Variants in RNF24 observed in about 807,000 individuals in gnomAD.
RNF24 encodes ring finger protein 24.
A neutral mutation model predicts 20.0 loss-of-function variants in RNF24; 14 were observed. The ratio of observed to expected loss-of-function variants is 0.70; its 90% CI spans 0.46 to 1.10. The LOEUF (loss-of-function observed/expected upper bound fraction) is 1.10, where lower values mean the gene tolerates loss of function less well. Ranked by LOEUF, RNF24 falls within the 50% of genes least tolerant of loss-of-function variation. RNF24 has a pLI of 0.00. For synonymous variants in RNF24, 45 were observed against 61.1 expected (o/e 0.74, Z 1.23); for missense variants, 124 against 177.6 (o/e 0.70, Z 1.71).
At chr20:3,986,362 C>G (rs1979904575) in intron 1 of RNF24, among the ~76,000 whole-genome samples, 1 of 151,990 alleles carries the variant, frequency 6.6e-6, no homozygotes, top group Admixed American at 6.6e-5. Flanking sequence ...AGGGATCCTC[C>G]TGCCTCAGCT....
intron 1 of RNF24, chr20:3,974,360 A>G: frequency 6.4e-7 from 1 of 1,550,654 alleles, no homozygotes; most frequent in Non-Finnish European, 8.7e-7. Context: ...AAGGCAGGAT[A>G]TCTGCTCTCA....
chr20:4,006,428 T>C (rs1030953578), intron 1 of RNF24, among the ~76,000 whole-genome samples: 4 of 149,142 alleles, frequency 2.7e-5, no homozygotes, highest in Non-Finnish European at 5.9e-5. Context: ...GATGGAAAAA[T>C]TTTCCTAATT....
At position 3,934,122 on chromosome 20, in the gene RNF24, T is replaced by C. The variant is rs374408054; in HGVS notation, c.388A>G (p.Ser130Gly). ...TGAGGGGGTCCACGGTCCTGCTTAC[T>C]GTGCAACTGGGCCAGCTGTAGAACT... ...MPVLQLAQLH[S>G]KQDRGPPQGP... Residue 130 changes from serine to glycine, a missense_variant, in exon 6 of 6, where the codon AGT becomes GGT. Transcript: ENST00000358395. The surrounding 1 kb of genome is among the most constrained non-coding windows in gnomAD (Gnocchi z 4.0). 4.4e-6 allele frequency: 7 copies of C among 1,578,714 alleles called. No homozygotes were observed. The highest frequency in any genetic ancestry group is 6.0e-6 in the Non-Finnish European group (7 of 1,163,558).
Position 3,928,267 on chromosome 20 carries a change from G to A in RNF24, c.*5796C>T, listed in dbSNP as rs2146918073. The A allele has an allele frequency of 6.6e-6, 1 of 152,276 alleles. No homozygotes were observed. Among genetic ancestry groups the A allele is most frequent in the Middle Eastern group, 3.4e-3 (1 of 294 alleles). The allele number at this position is 152,276 out of a possible 1,614,324, so 9.4% of individuals were successfully genotyped here. A position where few individuals can be genotyped will look rare whatever the true frequency, so the allele number is the denominator to read the frequency against. ...AATTTTTTCTCAAGTTTTGGGTTAG[G>A]GCACCAGTTGCAATTTTAATCCAGG... On this transcript the variant is annotated 3_prime_UTR_variant, in exon 6 of 6. Transcript: ENST00000358395.
At chr20:3,948,671 G>A (rs2091048188) in intron 2 of RNF24, among the ~76,000 whole-genome samples, 1 of 152,078 alleles carries the variant, frequency 6.6e-6, no homozygotes, top group African/African-American at 2.4e-5. Context: ...ATCAAGACAT[G>A]GTACATTTCC....
intron 3 of RNF24, among the ~76,000 whole-genome samples, chr20:3,946,261 GT>G (rs1182671000): frequency 7.2e-5 from 11 of 152,040 alleles, no homozygotes; most frequent in Admixed American, 7.2e-4. Flanking sequence ...GATCCCAGGA[GT>G]TTAAGACCAG....
In RNF24 at chr20:3,946,669, C is replaced by G. The variant is rs543161478; in HGVS notation, c.187-1451G>C. ...GAGCTGTGATCATGCCACTGCACTC[C>G]AGTCTGGGTGACAGAGACCCCGTCA... On this transcript the variant is annotated intron_variant, in intron 3 of 5. Coordinates refer to ENST00000358395, the MANE Select transcript of RNF24 (RefSeq NM_001134337.3). 2.1e-3 allele frequency among the ~76,000 whole-genome samples: 285 copies of G among 137,886 alleles called. 1 individual carries two copies. The highest frequency in any genetic ancestry group is 8.0e-3 in the African/African-American group (278 of 34,950). 90.5% of individuals were successfully genotyped at this position (137,886 alleles called of 152,430 possible). A position where few individuals can be genotyped will look rare whatever the true frequency, so the allele number is the denominator to read the frequency against.
At chr20:3,937,507 T>C (rs2090905049) in intron 4 of RNF24, among the ~76,000 whole-genome samples, 1 of 152,196 alleles carries the variant, frequency 6.6e-6, no homozygotes, top group East Asian at 1.9e-4. Context: ...TTTAGGTATA[T>C]ATGTGCAGCC....
intron 1 of RNF24, among the ~76,000 whole-genome samples, chr20:4,013,081 T>A (rs1982592097): frequency 6.6e-6 from 1 of 152,170 alleles, no homozygotes; most frequent in Admixed American, 6.5e-5. Context: ...TTAAATTAAT[T>A]GATATTAAGA....
chr20:4,008,544 A>T (rs1163887260), intron 1 of RNF24, among the ~76,000 whole-genome samples: 13 of 93,558 alleles, frequency 1.4e-4, no homozygotes, highest in Admixed American at 4.5e-4. Context: ...TATATATATT[A>T]TATATATATA....
At chr20:3,940,499 A>T (rs1322103983) in intron 4 of RNF24, among the ~76,000 whole-genome samples, 1 of 152,126 alleles carries the variant, frequency 6.6e-6, no homozygotes, top group Non-Finnish European at 1.5e-5. Context: ...GGAGAGAGAA[A>T]GAGTGAAATG....
At position 3,960,393 on chromosome 20, in the gene RNF24, G is replaced by A. The variant is rs977169188; in HGVS notation, c.143+3482C>T. ...ATGATTAAATTTTAAAAATTGGCCA[G>A]GCGCGGTGGCTCATGCCTGTAATCC... On this transcript the variant is annotated intron_variant, in intron 2 of 5. Coordinates refer to ENST00000358395, the MANE Select transcript of RNF24 (RefSeq NM_001134337.3). 4.6e-5 allele frequency among the ~76,000 whole-genome samples: 7 copies of A among 152,214 alleles called. No homozygotes were observed. The East Asian group carries it at 1.3e-3, about 29-fold the overall frequency.
rs1200657309 is a variant in RNF24 at position 3,934,736 on chromosome 20, T to C, written c.308+258A>G. Among the ~76,000 whole-genome samples the C allele has an allele frequency of 6.6e-6, 1 of 152,204 alleles. No individual in the cohort carries two copies. The highest frequency in any genetic ancestry group is 1.5e-5 in the Non-Finnish European group (1 of 68,036). ...AAAGTTCCAGCTAAATAGCTGTTTATTGCTTGGGCTCCAAGTGTAGGCTCA... is the reference window on the plus strand; with the variant it reads ...AAAGTTCCAGCTAAATAGCTGTTTACTGCTTGGGCTCCAAGTGTAGGCTCA... On this transcript the variant is annotated intron_variant, in intron 5 of 5. Coordinates refer to ENST00000358395, the MANE Select transcript of RNF24 (RefSeq NM_001134337.3). This position sits in a 1 kb window ranked among gnomAD's most constrained non-coding sequence, Gnocchi z 4.0.
At chr20:3,964,477 T>C (rs908564793) in intron 1 of RNF24, among the ~76,000 whole-genome samples, 1 of 152,122 alleles carries the variant, frequency 6.6e-6, no homozygotes, top group South Asian at 2.1e-4. Flanking sequence ...ATTAATTATA[T>C]AGTCATATGT....
At chr20:4,008,663 C>T (rs1982182081) in intron 1 of RNF24, among the ~76,000 whole-genome samples, 1 of 148,642 alleles carries the variant, frequency 6.7e-6, no homozygotes, top group Non-Finnish European at 1.5e-5. Flanking sequence ...TTCTCTGTCT[C>T]AGCCTCCCGA....
At position 3,929,057 on chromosome 20, in the gene RNF24, G is replaced by A. The variant is rs6084519; in HGVS notation, c.*5006C>T. 1.3e-5 allele frequency: 2 copies of A among 152,134 alleles called. No individual in the cohort carries two copies. The highest frequency in any genetic ancestry group is 2.9e-5 in the Non-Finnish European group (2 of 68,050). 9.4% of individuals were successfully genotyped at this position (152,134 alleles called of 1,614,324 possible). A position where few individuals can be genotyped will look rare whatever the true frequency, so the allele number is the denominator to read the frequency against. On this transcript the variant is annotated 3_prime_UTR_variant, in exon 6 of 6. Coordinates refer to ENST00000358395, the MANE Select transcript of RNF24 (RefSeq NM_001134337.3). Reference sequence around the variant, plus strand: ...AGAGGGGGTTTCACCATATTGGTCAGGCTGGTCTTGAACTCTTGACCTAAG... The same window carrying A: ...AGAGGGGGTTTCACCATATTGGTCAAGCTGGTCTTGAACTCTTGACCTAAG...
intron 4 of RNF24, among the ~76,000 whole-genome samples, chr20:3,943,237 A>G (rs1323544110): frequency 6.6e-6 from 1 of 152,228 alleles, no homozygotes; most frequent in Non-Finnish European, 1.5e-5. Flanking sequence ...TCACCATGGT[A>G]AAGGTCAATT....
At chr20:3,957,457 C>CAA (rs71195873) in intron 2 of RNF24, among the ~76,000 whole-genome samples, 16 of 94,564 alleles carry the variant, frequency 1.7e-4, no homozygotes, top group South Asian at 6.5e-4. Flanking sequence ...GACCCTGTCT[C>CAA]AAAAAAAAAA....
intron 1 of RNF24, among the ~76,000 whole-genome samples, chr20:4,002,257 G>A (rs1981470223): frequency 6.6e-6 from 1 of 152,024 alleles, no homozygotes; most frequent in Non-Finnish European, 1.5e-5. Flanking sequence ...GTGGTGGTGG[G>A]CGCCTGTAGT....
Sources: allele counts gnomAD v4.1 joint callset (sites outside exome capture counted in the v4.1 genomes callset), GRCh38; gene constraint gnomAD v4.1.1; non-coding constraint Gnocchi (gnomAD v3.1); transcripts MANE v1.5; gene names NCBI Gene and HGNC (gene_info 2026-07-23, HGNC 2026-07-21).